SNX29: variants seen among roughly 807,000 people sequenced by gnomAD.
SNX29 encodes sorting nexin 29, also known as sorting nexin-29.
Under a neutral mutation model 102.1 loss-of-function variants are expected in SNX29, and 78 were observed. That is an observed-to-expected ratio of 0.76 (90% CI 0.64 to 0.92). The LOEUF is 0.92. Among genes scored for constraint, SNX29 ranks in the 40% least tolerant of loss-of-function variants. The pLI, the probability that SNX29 is intolerant of heterozygous loss-of-function variation, is 0.00. For synonymous variants in SNX29, 580 were observed against 414.5 expected, an observed-to-expected ratio of 1.40 and a Z score of -4.85; for missense variants, 1,280 against 1,061.7, an observed-to-expected ratio of 1.21 and a Z score of -2.86.
In SNX29 at chr16:12,129,744, C is replaced by G; in HGVS notation, c.1581C>G (p.Val527=). The G allele has an allele frequency of 6.2e-7, 1 of 1,608,250 alleles. No individual in the cohort carries two copies. Among genetic ancestry groups the G allele is most frequent in the East Asian group, 2.2e-5 (1 of 44,776 alleles). Residue 527 remains valine, a synonymous_variant, in exon 13 of 21, where the codon GTC becomes GTG. Coordinates refer to ENST00000566228, the MANE Select transcript of SNX29 (RefSeq NM_032167.5). ...AGGAGGAGCGGCAGGGCATGAAGGT[C>G]CAGGCGCTGGCCAGGTAGGAGAGGG... The part of the protein sequence containing the change: ...AEQEERQGMK[V]QALARENEVL...
At chr16:12,102,633 C>T (rs1294466746) in intron 11 of SNX29, among the ~76,000 whole-genome samples, 1 of 152,090 alleles carries the variant, frequency 6.6e-6, no homozygotes, top group East Asian at 1.9e-4. Flanking sequence ...TGGAAGCATT[C>T]CCTTTGAAAA....
chr16:12,474,519 C>A (rs1251084785), intron 18 of SNX29, among the ~76,000 whole-genome samples: 1 of 151,984 alleles, frequency 6.6e-6, no homozygotes, highest in Non-Finnish European at 1.5e-5. Flanking sequence ...GGAGAGAGAG[C>A]AGTTGGAGAA....
intron 13 of SNX29, among the ~76,000 whole-genome samples, chr16:12,190,881 G>A (rs139052990): frequency 7.4e-4 from 113 of 152,280 alleles, no homozygotes; most frequent in African/African-American, 2.6e-3. Flanking sequence ...TGCTCTGGAA[G>A]GTATCTTTTG....
chr16:12,564,576 A>G (rs1236003442), intron 20 of SNX29, among the ~76,000 whole-genome samples: 1 of 152,208 alleles, frequency 6.6e-6, no homozygotes, highest in African/African-American at 2.4e-5. Context: ...ATTGCCATCC[A>G]GACGCCCCTT....
intron 18 of SNX29, among the ~76,000 whole-genome samples, chr16:12,462,009 A>ATG (rs2086817177): frequency 1.4e-5 from 1 of 73,520 alleles, no homozygotes; most frequent in Non-Finnish European, 2.4e-5. Flanking sequence ...ATATATATAT[A>ATG]TATGTATACA....
chr16:12,127,267 A>T (rs572411659), intron 12 of SNX29, among the ~76,000 whole-genome samples: 19 of 151,896 alleles, frequency 1.3e-4, no homozygotes, highest in Admixed American at 7.2e-4. Flanking sequence ...TCAAAAAAAA[A>T]AAATAAAATA....
chr16:12,523,138 A>G (rs932155471), intron 19 of SNX29, among the ~76,000 whole-genome samples: 6 of 152,156 alleles, frequency 3.9e-5, no homozygotes, highest in African/African-American at 1.4e-4. Flanking sequence ...ACCGGGGACC[A>G]GGGCACGTGA....
chr16:12,556,060 TTTCTTATTA>T (rs2078325292), intron 20 of SNX29, among the ~76,000 whole-genome samples: 1 of 151,480 alleles, frequency 6.6e-6, no homozygotes, highest in Admixed American at 6.7e-5. Context: ...AAAGGGTGCT[TTTCTTATTA>T]ATCTTATAGA....
In SNX29 at chr16:11,985,720, C is replaced by T. The variant is rs971617540; in HGVS notation, c.7+8907C>T. ...AGGATGAACTTCAGGGGAAGGGCTG[C>T]TGTAATTTTGGATGGGGTGGTTAGG... On this transcript the variant is annotated intron_variant, in intron 1 of 20. Coordinates refer to ENST00000566228, the MANE Select transcript of SNX29 (RefSeq NM_032167.5). 3.3e-5 allele frequency among the ~76,000 whole-genome samples: 5 copies of T among 151,938 alleles called. No individual in the cohort carries two copies. In the East Asian group the frequency reaches 9.7e-4, roughly 29 times the overall value.
chr16:12,048,602 T>C lies in SNX29; in HGVS notation c.730T>C (p.Ser244Pro). 3.1e-6 allele frequency: 5 copies of C among 1,613,920 alleles called. No homozygotes were observed. Among genetic ancestry groups the C allele is most frequent in the Non-Finnish European group, 4.2e-6 (5 of 1,179,862 alleles). The change falls in exon 7 of 21, where the codon TCC (serine) becomes CCC (proline). Residue 244 changes from serine (S) to proline (P), a missense_variant. Physicochemically the swap from Ser to Pro is moderately conservative, Grantham distance 74. Transcript: ENST00000566228. ...EQETDPLPVV[S>P]RNVSADAKCK... ...GGAGACCGACCCCTTGCCTGTCGTGTCCAGGAATGTCAGTGCTGGTGAGTG... is the reference window on the plus strand; with the variant it reads ...GGAGACCGACCCCTTGCCTGTCGTGCCCAGGAATGTCAGTGCTGGTGAGTG...
intron 20 of SNX29, among the ~76,000 whole-genome samples, chr16:12,562,053 C>A (rs1485975322): frequency 6.7e-6 from 1 of 150,106 alleles, no homozygotes; most frequent in Admixed American, 6.7e-5. Flanking sequence ...ATCATCTGTG[C>A]CGTTTTCCTT....
chr16:12,518,091 C>T (rs774550303), intron 19 of SNX29, among the ~76,000 whole-genome samples: 43 of 152,252 alleles, frequency 2.8e-4, no homozygotes, highest in African/African-American at 9.2e-4. Context: ...CTAGTTTAGT[C>T]GTGTGTGCTG....
At chr16:12,139,573 C>T (rs1205841317) in intron 13 of SNX29, among the ~76,000 whole-genome samples, 1 of 152,208 alleles carries the variant, frequency 6.6e-6, no homozygotes, top group Non-Finnish European at 1.5e-5. Context: ...TCTCTTGGCA[C>T]AAAGCAGCCA....
Position 12,458,161 on chromosome 16 carries a change from C to T in SNX29, c.2038-19558C>T, listed in dbSNP as rs528905152. ...GCTTCACCTTGGGCTCTGCACTGCACGTGGAGAAACCTCAGGCCCATTGGG... is the reference window on the plus strand; with the variant it reads ...GCTTCACCTTGGGCTCTGCACTGCATGTGGAGAAACCTCAGGCCCATTGGG... On this transcript the variant is annotated intron_variant, in intron 18 of 20. Transcript: ENST00000566228. Among the ~76,000 whole-genome samples the T allele has an allele frequency of 2.6e-5, 4 of 152,326 alleles. No individual in the cohort carries two copies. In the South Asian group the frequency reaches 6.2e-4, roughly 24 times the overall value.
rs1567232950 is a variant in SNX29, at chr16:12,574,097, TATCTTAACTACCCTC to T, written c.*5469_*5483del. 1.1e-5 allele frequency: 2 copies of T among 187,844 alleles called. No homozygotes were observed. Among genetic ancestry groups the T allele is most frequent in the Admixed American group, 1.2e-4 (2 of 16,144 alleles). 11.6% of individuals were successfully genotyped at this position (187,844 alleles called of 1,614,324 possible). ...GGAAACGCCCTGAAACCTGTAGTAT[TATCTTAACTACCCTC>T]TTATGTTAAGGTTTACATAATAGGA... On this transcript the variant is annotated 3_prime_UTR_variant, in exon 21 of 21. Coordinates refer to ENST00000566228, the MANE Select transcript of SNX29 (RefSeq NM_032167.5).
At chr16:11,995,029 A>G (rs1157145841) in intron 1 of SNX29, among the ~76,000 whole-genome samples, 5 of 152,048 alleles carry the variant, frequency 3.3e-5, no homozygotes, top group African/African-American at 1.2e-4. Flanking sequence ...TGGTCCTGAG[A>G]CCACCTGTGC....
chr16:12,048,109 T>G (rs1427178113), intron 6 of SNX29, among the ~76,000 whole-genome samples: 1 of 151,402 alleles, frequency 6.6e-6, no homozygotes, highest in Non-Finnish European at 1.5e-5. Flanking sequence ...ATGACTCAAC[T>G]CCCATGATAA....
At chr16:12,380,289 A>AC (rs2083024836) in intron 16 of SNX29, among the ~76,000 whole-genome samples, 1 of 146,208 alleles carries the variant, frequency 6.8e-6, no homozygotes, top group African/African-American at 2.7e-5. Flanking sequence ...GTTCTCATCT[A>AC]CCCCCCAACA....
At chr16:12,410,168 G>A (rs934028081) in intron 18 of SNX29, among the ~76,000 whole-genome samples, 2 of 151,944 alleles carry the variant, frequency 1.3e-5, no homozygotes, top group Admixed American at 1.3e-4. Context: ...CTAATTTTTT[G>A]TAGTTTTAGT....
Sources: allele counts gnomAD v4.1 joint callset (sites outside exome capture counted in the v4.1 genomes callset), GRCh38; gene constraint gnomAD v4.1.1; transcripts MANE v1.5; gene names NCBI Gene and HGNC (gene_info 2026-07-23, HGNC 2026-07-21).